WDR43: variants seen among roughly 807,000 people sequenced by gnomAD.
WDR43 encodes the protein WD repeat domain 43, also known as WD repeat-containing protein 43.
WDR43 carries 13 observed loss-of-function variants against 91.4 expected under a neutral mutation model. The ratio of observed to expected loss-of-function variants is 0.14; its 90% CI spans 0.09 to 0.23. The LOEUF is 0.23. WDR43 is among the 10% of genes least tolerant of loss of function. The probability of loss-of-function intolerance (pLI) is 1.00; values close to 1 mark genes in which losing one functional copy is unlikely to be tolerated. For missense variants in WDR43, 780 were observed against 809.4 expected (o/e 0.96, Z 0.44); for synonymous variants, 331 against 287.9 (o/e 1.15, Z -1.51).
chr2:28,912,761 A>T, intron 4 of WDR43, 51 bp downstream of exon 4: 1 of 1,594,904 alleles, frequency 6.3e-7, no homozygotes, highest in East Asian at 2.2e-5. Context: ...GTAAACACAG[A>T]GAAAGGCAGA....
chr2:28,899,330 G>A (rs1006438517), intron 1 of WDR43, among the ~76,000 whole-genome samples: 1 of 152,172 alleles, frequency 6.6e-6, no homozygotes, highest in African/African-American at 2.4e-5. Context: ...TATGACATGT[G>A]TCTTAAGGGA....
At chr2:28,931,133 T>C (rs976698853) in intron 11 of WDR43, among the ~76,000 whole-genome samples, 2 of 150,694 alleles carry the variant, frequency 1.3e-5, no homozygotes, top group Non-Finnish European at 3.0e-5. Context: ...TGGAGTGCAG[T>C]GGCGCAATCT....
chr2:28,930,633 G>C (rs2148194152), intron 11 of WDR43, among the ~76,000 whole-genome samples: 1 of 152,318 alleles, frequency 6.6e-6, no homozygotes, highest in African/African-American at 2.4e-5. Context: ...AAAATCTGTA[G>C]AAAACAATTG....
chr2:28,936,117 A>G (rs1190042358), intron 12 of WDR43, among the ~76,000 whole-genome samples: 1 of 152,130 alleles, frequency 6.6e-6, no homozygotes, highest in Admixed American at 6.5e-5. Context: ...CAGGAGTTTA[A>G]GACTGTAATG....
intron 2 of WDR43, among the ~76,000 whole-genome samples, chr2:28,906,081 A>G (rs1281510264): frequency 6.6e-6 from 1 of 152,222 alleles, no homozygotes; most frequent in African/African-American, 2.4e-5. Context: ...TCATATTATC[A>G]TAATATGTAA....
intron 6 of WDR43, among the ~76,000 whole-genome samples, chr2:28,918,677 T>A (rs1402403869): frequency 6.6e-6 from 1 of 152,074 alleles, no homozygotes; most frequent in African/African-American, 2.4e-5. Flanking sequence ...CCTATATATG[T>A]ATGTATTTTA....
chr2:28,905,867 A>G (rs1383822291), intron 2 of WDR43, among the ~76,000 whole-genome samples: 2 of 151,890 alleles, frequency 1.3e-5, no homozygotes, highest in East Asian at 1.9e-4. Flanking sequence ...GAGTTTTGCC[A>G]TGTTGGTCAG....
At chr2:28,936,737 C>G (rs1446490784) in intron 12 of WDR43, among the ~76,000 whole-genome samples, 185 bp from the exon 13 acceptor site, 1 of 152,106 alleles carries the variant, frequency 6.6e-6, no homozygotes, top group Non-Finnish European at 1.5e-5. Flanking sequence ...CATATAAGTC[C>G]TATCCTAGAC....
At position 28,916,913 on chromosome 2, in the gene WDR43, CAT is replaced by C. The variant is rs1385168279; in HGVS notation, c.747-977_747-976del. On this transcript the variant is annotated intron_variant, in intron 5 of 17. Coordinates refer to ENST00000407426, the MANE Select transcript of WDR43 (RefSeq NM_015131.3). ...CTATTTAAAGATATCTTATTTAATGCATATGTTTTTGATTGATTAACTTTGAA... is the reference window on the plus strand; with the variant it reads ...CTATTTAAAGATATCTTATTTAATGCATGTTTTTGATTGATTAACTTTGAA... Among the ~76,000 whole-genome samples the C allele has an allele frequency of 4.6e-5, 7 of 151,992 alleles. No homozygotes were observed. In the East Asian group the frequency reaches 1.3e-3, roughly 29 times the overall value.
chr2:28,924,939 G>GT (rs779299261), intron 7 of WDR43, 43 bp from the exon 8 acceptor site: 1 of 1,585,830 alleles, frequency 6.3e-7, no homozygotes, highest in Non-Finnish European at 8.6e-7. Flanking sequence ...AGTATGAGAC[G>GT]TTTTTTCAAA....
At chr2:28,938,572 A>G (rs567016609) in intron 14 of WDR43, among the ~76,000 whole-genome samples, 1 of 152,046 alleles carries the variant, frequency 6.6e-6, no homozygotes, top group East Asian at 1.9e-4. Context: ...AAAGTATTCA[A>G]TTTTTTTTCT....
At position 28,897,971 on chromosome 2, in the gene WDR43, C is replaced by T. The variant is rs367753250; in HGVS notation, c.225+3048C>T. On this transcript the variant is annotated intron_variant, in intron 1 of 17. Transcript: ENST00000407426. ...GTGCAAAAATACAAATGGAGGGACT[C>T]TATCTAGATGGATGCTGTTTTTAAG... Among the ~76,000 whole-genome samples, 30 of 152,238 alleles carry T rather than the reference C, an allele frequency of 2.0e-4. 1 individual carries two copies. The East Asian group carries it at 2.3e-3, about 12-fold the overall frequency.
chr2:28,912,943 C>T (rs983031415), intron 4 of WDR43, among the ~76,000 whole-genome samples: 1 of 136,410 alleles, frequency 7.3e-6, no homozygotes. Flanking sequence ...ATTCAAGAAA[C>T]AAGATTTTTT....
intron 1 of WDR43, among the ~76,000 whole-genome samples, chr2:28,899,014 A>G (rs1442246696): frequency 6.6e-6 from 1 of 151,978 alleles, no homozygotes; most frequent in African/African-American, 2.4e-5. Flanking sequence ...ATGATGGATC[A>G]AATGCTGATA....
At chr2:28,927,069 G>T in intron 9 of WDR43, 1 of 519,394 alleles carries the variant, frequency 1.9e-6, no homozygotes, top group Non-Finnish European at 3.8e-6. Flanking sequence ...GCCAAGACAT[G>T]CTATGATGAC....
chr2:28,932,580 T>C (rs954908814), intron 11 of WDR43, among the ~76,000 whole-genome samples: 1 of 152,226 alleles, frequency 6.6e-6, no homozygotes, highest in African/African-American at 2.4e-5. Flanking sequence ...CATTTTTCTT[T>C]CTAAAAACGT....
chr2:28,900,265 G>GCAA (rs956031838), intron 1 of WDR43, among the ~76,000 whole-genome samples: 3 of 152,096 alleles, frequency 2.0e-5, no homozygotes, highest in African/African-American at 7.2e-5. Flanking sequence ...TCGGCTCACT[G>GCAA]CAACCTCTGC....
chr2:28,911,193 A>G (rs1457683212), intron 3 of WDR43, among the ~76,000 whole-genome samples: 3 of 151,706 alleles, frequency 2.0e-5, no homozygotes, highest in Non-Finnish European at 4.4e-5. Context: ...ATTTTTTTGC[A>G]TGTGTGGCAT....
In WDR43 at chr2:28,917,472, T is replaced by C. The variant is rs191062403; in HGVS notation, c.747-421T>C. Reference sequence around the variant, plus strand: ...GGCTTTTTTTGAGAAATTGACAGACTGATTCTAAAATTCAAATGGAAATAA... The same window carrying C: ...GGCTTTTTTTGAGAAATTGACAGACCGATTCTAAAATTCAAATGGAAATAA... On this transcript the variant is annotated intron_variant, in intron 5 of 17. Transcript: ENST00000407426. Among the ~76,000 whole-genome samples, 350 of 152,294 alleles carry C rather than the reference T, an allele frequency of 2.3e-3. 1 individual carries two copies. The highest frequency in any genetic ancestry group is 3.7e-3 in the Non-Finnish European group (252 of 68,014).
Sources: allele counts gnomAD v4.1 joint callset (sites outside exome capture counted in the v4.1 genomes callset), GRCh38; gene constraint gnomAD v4.1.1; transcripts MANE v1.5; gene names NCBI Gene and HGNC (gene_info 2026-07-23, HGNC 2026-07-21).